Variants in TLL2 observed in about 807,000 individuals in gnomAD.
TLL2 encodes tolloid like 2, also known as tolloid-like protein 2.
TLL2 carries 106 observed loss-of-function variants against 123.0 expected under a neutral mutation model. That is an observed-to-expected ratio of 0.86 (90% CI 0.74 to 1.01). The LOEUF is 1.01. Among genes scored for constraint, TLL2 ranks in the 50% least tolerant of loss-of-function variants. The pLI is 0.00. For missense variants in TLL2, 1,332 were observed against 1,336.7 expected, an observed-to-expected ratio of 1.00 and a Z score of 0.06; for synonymous variants, 494 against 516.8, an observed-to-expected ratio of 0.96 and a Z score of 0.60.
chr10:96,460,679 A>C (rs556324933), intron 2 of TLL2, among the ~76,000 whole-genome samples: 57 of 152,086 alleles, frequency 3.7e-4, no homozygotes, highest in Non-Finnish European at 3.7e-4. Flanking sequence ...CCTTCCTTGT[A>C]AGTTTCCTGA....
At position 96,458,384 on chromosome 10, in the gene TLL2, C is replaced by T. The variant is rs184751070; in HGVS notation, c.287-12216G>A. Among the ~76,000 whole-genome samples, 181 of 151,922 alleles carry T rather than the reference C, an allele frequency of 1.2e-3. 1 individual carries two copies. Among genetic ancestry groups the T allele is most frequent in the African/African-American group, 1.8e-3 (75 of 41,414 alleles). ...GGCAGATCACCTGAGGTCACGAGTTCGAGACCAGCCTACCCAACATGGAGA... is the reference window on the plus strand; with the variant it reads ...GGCAGATCACCTGAGGTCACGAGTTTGAGACCAGCCTACCCAACATGGAGA... On this transcript the variant is annotated intron_variant, in intron 2 of 20. Coordinates refer to ENST00000357947, the MANE Select transcript of TLL2 (RefSeq NM_012465.4).
chr10:96,401,997 C>T (rs978270594), intron 10 of TLL2, among the ~76,000 whole-genome samples: 3 of 152,200 alleles, frequency 2.0e-5, no homozygotes, highest in African/African-American at 7.2e-5. Context: ...TGATCTCAGC[C>T]ACTAACTGTG....
chr10:96,366,055 C>G lies in TLL2; in HGVS notation c.*2033G>C, dbSNP rs563359031. ...GTTAAAACTGCAGAATTTTTATTTC[C>G]TTGGAGAAAGAACCATAACACCCAT... On this transcript the variant is annotated 3_prime_UTR_variant, in exon 21 of 21. Coordinates refer to ENST00000357947, the MANE Select transcript of TLL2 (RefSeq NM_012465.4). The G allele has an allele frequency of 1.4e-4, 21 of 152,290 alleles. No individual in the cohort carries two copies. The highest frequency in any genetic ancestry group is 2.6e-4 in the Non-Finnish European group (18 of 68,028). The allele number at this position is 152,290 out of a possible 1,614,324, so 9.4% of individuals were successfully genotyped here.
At chr10:96,420,916 C>T (rs1316952060) in intron 7 of TLL2, 40 bp downstream of exon 7, 1 of 1,584,712 alleles carries the variant, frequency 6.3e-7, no homozygotes, top group Non-Finnish European at 8.7e-7. Context: ...CTGCCGCAGG[C>T]ACAGTAAAAC....
chr10:96,389,028 C>CT (rs71668412), intron 13 of TLL2, among the ~76,000 whole-genome samples: 4 of 152,202 alleles, frequency 2.6e-5, no homozygotes, highest in Non-Finnish European at 4.4e-5. Flanking sequence ...TGTGCAGTTA[C>CT]TTTTTTTATC....
intron 13 of TLL2, among the ~76,000 whole-genome samples, chr10:96,391,304 GC>G (rs1846285386): frequency 6.6e-6 from 1 of 152,226 alleles, no homozygotes; most frequent in Non-Finnish European, 1.5e-5. Flanking sequence ...GCAGGTATGG[GC>G]CGGTCGTAGG....
intron 4 of TLL2, among the ~76,000 whole-genome samples, chr10:96,431,661 G>GA (rs1846742026): frequency 6.6e-6 from 1 of 152,212 alleles, no homozygotes; most frequent in East Asian, 1.9e-4. Context: ...AAATGAGACA[G>GA]AAAAAAGACT....
At chr10:96,381,684 T>C (rs1846188330) in intron 16 of TLL2, among the ~76,000 whole-genome samples, 1 of 152,220 alleles carries the variant, frequency 6.6e-6, no homozygotes, top group Non-Finnish European at 1.5e-5. Flanking sequence ...CCCACAGTGC[T>C]CCAGGCTGGG....
At chr10:96,499,084 C>T (rs1483999232) in intron 1 of TLL2, among the ~76,000 whole-genome samples, 1 of 152,192 alleles carries the variant, frequency 6.6e-6, no homozygotes. Flanking sequence ...CCATGTTAGG[C>T]TTTATCAGTA....
intron 1 of TLL2, among the ~76,000 whole-genome samples, chr10:96,499,316 T>C (rs1431720356): frequency 6.6e-6 from 1 of 152,174 alleles, no homozygotes; most frequent in Non-Finnish European, 1.5e-5. Context: ...TCTTAAGAAG[T>C]CAGAATTTCA....
intron 2 of TLL2, among the ~76,000 whole-genome samples, chr10:96,458,702 C>T (rs997015356): frequency 6.7e-6 from 1 of 149,120 alleles, no homozygotes; most frequent in African/African-American, 2.5e-5. Flanking sequence ...ACCCAGGAGG[C>T]AGAGGTTGCA....
chr10:96,423,128 C>CAAAAAAAAAAAAAAAAAAAAAAAAAAAA (rs10577803), intron 5 of TLL2, among the ~76,000 whole-genome samples: 1 of 119,916 alleles, frequency 8.3e-6, no homozygotes, highest in South Asian at 2.7e-4. Context: ...AACACCGTCT[C>CAAAAAAAAAAAAAAAAAAAAAAAAAAAA]AAAAAAAAAA....
At chr10:96,396,421 C>A (rs1475630072) in intron 11 of TLL2, among the ~76,000 whole-genome samples, 1 of 152,098 alleles carries the variant, frequency 6.6e-6, no homozygotes, top group South Asian at 2.1e-4. Flanking sequence ...AGGAAAGGAC[C>A]CGTGCGCGCA....
At chr10:96,476,111 G>A (rs1158544935) in intron 2 of TLL2, among the ~76,000 whole-genome samples, 3 of 150,906 alleles carry the variant, frequency 2.0e-5, no homozygotes, top group African/African-American at 7.3e-5. Flanking sequence ...ATACACAGAG[G>A]CACTTACCAA....
rs55819031 is a variant in TLL2, at chr10:96,458,587, C to CAA, written c.287-12421_287-12420dup. Among the ~76,000 whole-genome samples, 61 of 45,996 alleles carry CAA rather than the reference C, an allele frequency of 1.3e-3. 4 individuals are homozygous for CAA. The highest frequency in any genetic ancestry group is 2.5e-3 in the African/African-American group (26 of 10,508). 30.2% of individuals were successfully genotyped at this position (45,996 alleles called of 152,430 possible). On this transcript the variant is annotated intron_variant, in intron 2 of 20. Transcript: ENST00000357947. ...GGGGGACAAGAGCGAGACTTCGTCT[C>CAA]AAAAAAAAAAAAAAAAAAAAAAAAA... is the stretch of plus-strand genomic sequence containing the variant.
intron 1 of TLL2, among the ~76,000 whole-genome samples, chr10:96,509,895 C>T (rs1430364047): frequency 2.6e-5 from 4 of 152,130 alleles, no homozygotes; most frequent in South Asian, 2.1e-4. Flanking sequence ...TGCAGTGAGC[C>T]GAGATCAGGC....
At chr10:96,409,418 C>G (rs1846480417) in intron 9 of TLL2, among the ~76,000 whole-genome samples, 1 of 152,206 alleles carries the variant, frequency 6.6e-6, no homozygotes, top group Non-Finnish European at 1.5e-5. Flanking sequence ...AACAGGGTTT[C>G]TCTAAGATAG....
In TLL2 at chr10:96,485,770, G is replaced by A. The variant is rs74151359; in HGVS notation, c.176-5311C>T. Among the ~76,000 whole-genome samples the A allele has an allele frequency of 4.3e-3, 659 of 152,344 alleles. 3 individuals carry two copies. The highest frequency in any genetic ancestry group is 0.017 in the Middle Eastern group (5 of 294). On this transcript the variant is annotated intron_variant, in intron 1 of 20. Transcript: ENST00000357947. ...CATCTAGAACTCCCTTGAAATGTGT[G>A]ACAAGGTTGGTTTGGTCAAAGATGG...
chr10:96,499,954 T>A (rs1847516119), intron 1 of TLL2, among the ~76,000 whole-genome samples: 1 of 151,934 alleles, frequency 6.6e-6, no homozygotes, highest in Non-Finnish European at 1.5e-5. Flanking sequence ...AACTAGAATA[T>A]AAACTATTAA....
Sources: gnomAD v4.1 joint callset for allele counts (sites outside exome capture counted in the v4.1 genomes callset) on GRCh38, gnomAD v4.1.1 for gene constraint, MANE v1.5 for transcripts, NCBI Gene and HGNC (gene_info 2026-07-23, HGNC 2026-07-21) for gene names.